The following NEU3 variants were observed in gnomAD, a reference collection of about 807,000 sequenced individuals.
NEU3 encodes sialidase-3.
A neutral mutation model predicts 11.4 loss-of-function variants in NEU3; 10 were observed. That is an observed-to-expected ratio of 0.88 (90% CI 0.54 to 1.49). NEU3 has a LOEUF of 1.49. NEU3 is among the 40% of genes most tolerant of loss of function. The pLI is 0.00. For missense variants in NEU3, 529 were observed against 581.8 expected, an observed-to-expected ratio of 0.91 and a Z score of 0.93; for synonymous variants, 212 against 228.2, an observed-to-expected ratio of 0.93 and a Z score of 0.64.
intron 1 of NEU3, among the ~76,000 whole-genome samples, chr11:74,989,572 C>T (rs1159405780): frequency 1.3e-5 from 2 of 152,124 alleles, no homozygotes; most frequent in Non-Finnish European, 2.9e-5. Context: ...GACTACAGAT[C>T]TTCAAAGGTC....
chr11:74,984,167 A>G (rs10793108), upstream of NEU3, among the ~76,000 whole-genome samples: 38,687 of 152,140 alleles, frequency 0.25, 5,855 homozygotes, highest in East Asian at 0.53. Flanking sequence ...TTGGGAGACA[A>G]TTCTTCATGG....
upstream of NEU3, among the ~76,000 whole-genome samples, chr11:74,986,806 C>CT (rs1263790321): frequency 6.6e-6 from 1 of 152,002 alleles, no homozygotes; most frequent in Non-Finnish European, 1.5e-5. Flanking sequence ...CCTTTTCTAC[C>CT]TTTTTGGGAT....
At chr11:75,016,094 C>T (rs1673324742) in intron 3 of NEU3, among the ~76,000 whole-genome samples, 1 of 152,186 alleles carries the variant, frequency 6.6e-6, no homozygotes. Context: ...AGGGTCAGAG[C>T]ACAGAGCATA....
intron 1 of NEU3, chr11:74,990,269 C>T (rs1440784829): frequency 1.9e-5 from 8 of 429,280 alleles, no homozygotes; most frequent in Non-Finnish European, 3.3e-5. Context: ...ATCAAAACGT[C>T]ATGCAGCAAG....
At chr11:75,011,121 T>C (rs948387899), downstream of NEU3, among the ~76,000 whole-genome samples, 1 of 152,240 alleles carries the variant, frequency 6.6e-6, no homozygotes, top group African/African-American at 2.4e-5. Flanking sequence ...GGGATTACAA[T>C]GCCTGCTTAC....
chr11:74,990,744 G>C (rs1371935135), intron 1 of NEU3, among the ~76,000 whole-genome samples: 1 of 152,160 alleles, frequency 6.6e-6, no homozygotes, highest in East Asian at 1.9e-4. Context: ...TTCCTGTTTA[G>C]ATTTAACTAA....
At chr11:75,003,231 A>C (rs1032733534) in intron 2 of NEU3, among the ~76,000 whole-genome samples, 4 of 152,124 alleles carry the variant, frequency 2.6e-5, no homozygotes, top group African/African-American at 9.7e-5. Context: ...ATTACATGAC[A>C]GTTTACCAGG....
intron 2 of NEU3, among the ~76,000 whole-genome samples, chr11:75,000,465 A>G (rs1467054688): frequency 6.6e-6 from 1 of 152,138 alleles, no homozygotes; most frequent in African/African-American, 2.4e-5. Flanking sequence ...GATATCTCAT[A>G]TAAGTGGAAT....
rs1307348373 is a variant in NEU3 at position 74,989,090 on chromosome 11, C to A, written c.30C>A (p.Pro10=). The A allele has an allele frequency of 6.4e-7, 1 of 1,550,986 alleles. No individual in the cohort carries two copies. Among genetic ancestry groups the A allele is most frequent in the South Asian group, 1.2e-5 (1 of 84,050 alleles). Residue 10 remains proline, a synonymous_variant, in exon 1 of 3, where the codon CCC becomes CCA. Transcript: ENST00000294064. MRPADLPPR[P]MEESPASSSA... is the part of the protein sequence containing the mutation. ...GACCTGCGGACCTGCCCCCGCGCCC[C>A]ATGGAAGAATCCCCGGCGTCCAGCT...
downstream of NEU3, among the ~76,000 whole-genome samples, chr11:75,011,463 G>T (rs1484497218): frequency 6.6e-6 from 1 of 152,200 alleles, no homozygotes; most frequent in Non-Finnish European, 1.5e-5. Context: ...CTATTGGAAA[G>T]CTTTCAGGCT....
chr11:75,001,907 A>G (rs146522272), intron 2 of NEU3, among the ~76,000 whole-genome samples: 127 of 152,362 alleles, frequency 8.3e-4, no homozygotes, highest in Non-Finnish European at 1.4e-3. Context: ...GCACTCAGGT[A>G]TAGAATGGGC....
chr11:75,018,417 G>A (rs1031811517), intron 3 of NEU3, among the ~76,000 whole-genome samples: 2 of 152,090 alleles, frequency 1.3e-5, no homozygotes, highest in African/African-American at 4.8e-5. Context: ...ATCTGGGTGG[G>A]CACCATCAAA....
intron 2 of NEU3, among the ~76,000 whole-genome samples, chr11:74,995,451 G>A (rs1386677763): frequency 6.6e-6 from 1 of 152,126 alleles, no homozygotes; most frequent in Non-Finnish European, 1.5e-5. Context: ...TCTTTGGCCT[G>A]GAAGCTACAG....
chr11:74,998,988 T>A (rs577637594), intron 2 of NEU3, among the ~76,000 whole-genome samples: 52 of 152,352 alleles, frequency 3.4e-4, no homozygotes, highest in African/African-American at 1.2e-3. Flanking sequence ...GCATTTTTTT[T>A]AATCCTATTT....
chr11:75,018,683 C>G (rs1011276864), intron 3 of NEU3: 1 of 152,104 alleles, frequency 6.6e-6, no homozygotes, highest in Non-Finnish European at 1.5e-5. Context: ...TTATTTCTGT[C>G]CCTCTAGAGA....
chr11:75,006,509 T>C lies in NEU3; in HGVS notation c.*17T>C. 6.3e-7 allele frequency: 1 copy of C among 1,586,060 alleles called. No individual in the cohort carries two copies. The highest frequency in any genetic ancestry group is 8.6e-7 in the Non-Finnish European group (1 of 1,165,644). ...AGCAATTAATTGGCTTAGGACCCAATTTCCATAGATGCAAATGGCAGTTAC... is the reference window on the plus strand; with the variant it reads ...AGCAATTAATTGGCTTAGGACCCAACTTCCATAGATGCAAATGGCAGTTAC... On this transcript the variant is annotated 3_prime_UTR_variant, in exon 3 of 3. Transcript: ENST00000294064.
At chr11:74,989,298 G>C (rs1680894200) in intron 1 of NEU3, 144 bp downstream of exon 1, 2 of 650,882 alleles carry the variant, frequency 3.1e-6, no homozygotes, top group Non-Finnish European at 5.3e-6. Context: ...GACCTGGCCA[G>C]AGAATTCTTG....
intron 3 of NEU3, among the ~76,000 whole-genome samples, chr11:75,015,913 A>G (rs779451555): frequency 3.9e-5 from 6 of 152,186 alleles, no homozygotes; most frequent in Non-Finnish European, 5.9e-5. Context: ...GCATGAGCAC[A>G]GATCTGGACA....
At chr11:74,992,078 T>C (rs1948737880) in intron 1 of NEU3, among the ~76,000 whole-genome samples, 1 of 152,194 alleles carries the variant, frequency 6.6e-6, no homozygotes, top group Non-Finnish European at 1.5e-5. Flanking sequence ...CCTGATTGGA[T>C]GATGTTTGAG....
Sources: gnomAD v4.1 joint callset for allele counts (sites outside exome capture counted in the v4.1 genomes callset) on GRCh38, gnomAD v4.1.1 for gene constraint, MANE v1.5 for transcripts, NCBI Gene and HGNC (gene_info 2026-07-23, HGNC 2026-07-21) for gene names.